The following GNB4 variants were observed in gnomAD, a reference collection of about 807,000 sequenced individuals.
The protein encoded by GNB4 is G protein subunit beta 4.
In GNB4, 28 loss-of-function variants were observed where a neutral mutation model predicts 45.2. The ratio of observed to expected loss-of-function variants is 0.62; its 90% confidence interval spans 0.46 to 0.85. GNB4 has a LOEUF of 0.85. GNB4 is among the 40% of genes least tolerant of loss of function. GNB4 has a pLI of 0.00. For synonymous variants in GNB4, 132 were observed against 143.7 expected (o/e 0.92, Z 0.58); for missense variants, 321 against 425.4 (o/e 0.75, Z 2.16).
chr3:179,474,804 T>G, the GNB4 span, among the ~76,000 whole-genome samples: 1 of 132,956 alleles, frequency 7.5e-6, no homozygotes, highest in Non-Finnish European at 1.5e-5. Context: ...CCCACTGGAG[T>G]GCAGTGATGT....
upstream of GNB4, chr3:179,451,542 G>GCGAGGCGCGAGGCA (rs1171901084): frequency 4.0e-5 from 6 of 150,218 alleles, no homozygotes; most frequent in South Asian, 4.2e-4. Flanking sequence ...GGCTGGAGGC[G>GCGAGGCGCGAGGCA]CGAGGCGCGA....
In GNB4 at chr3:179,419,263, T is replaced by C. The variant is rs145412858; in HGVS notation, c.203+136A>G. ...ATTAATATTCTTATTGAAAGCAGCA[T>C]GTTCATCTGAGATGCATTTTCTGCA... On this transcript the variant is annotated intron_variant, in intron 4 of 9. Transcript: ENST00000232564. The C allele has an allele frequency of 3.4e-5, 23 of 671,764 alleles. No individual in the cohort carries two copies. The African/African-American group carries it at 3.8e-4, about 11-fold the overall frequency. 41.6% of individuals were successfully genotyped at this position (671,764 alleles called of 1,614,324 possible).
chr3:179,402,106 T>C (rs1477430154), intron 9 of GNB4, among the ~76,000 whole-genome samples: 4 of 152,212 alleles, frequency 2.6e-5, no homozygotes, highest in Admixed American at 2.6e-4. Flanking sequence ...ATATTCTCTA[T>C]AGTATCTCCA....
the GNB4 span, among the ~76,000 whole-genome samples, chr3:179,524,252 T>C: frequency 9.9e-5 from 15 of 152,224 alleles, no homozygotes; most frequent in Admixed American, 2.0e-4. Flanking sequence ...GGGCCAGGGT[T>C]CCAGGGGCTC....
the GNB4 span, among the ~76,000 whole-genome samples, chr3:179,513,428 C>G: frequency 6.6e-6 from 1 of 152,178 alleles, no homozygotes; most frequent in Admixed American, 6.6e-5. Context: ...AAGTGATCCT[C>G]TTGCCTTGGC....
the GNB4 span, among the ~76,000 whole-genome samples, chr3:179,501,298 A>C: frequency 1.5e-5 from 2 of 131,216 alleles, no homozygotes; most frequent in Admixed American, 7.7e-5. Context: ...AATTGCCTAC[A>C]TTTTTTTTTT....
intron 1 of GNB4, 54 bp downstream of exon 1, chr3:179,451,292 G>A (rs1359153049): frequency 6.6e-6 from 1 of 151,472 alleles, no homozygotes; most frequent in African/African-American, 2.4e-5. Flanking sequence ...GAGAAGCCCG[G>A]GATCGCTTCG....
At position 179,451,426 on chromosome 3, in the gene GNB4, G is replaced by C. The variant is rs1715871323; in HGVS notation, c.-123C>G. 6.6e-6 allele frequency: 1 copy of C among 151,198 alleles called. No homozygotes were observed. Among genetic ancestry groups the C allele is most frequent in the Admixed American group, 6.6e-5 (1 of 15,164 alleles). The allele number at this position is 151,198 out of a possible 1,614,324, so 9.4% of individuals were successfully genotyped here. ...CAGCAGCCCCTGGAGCGCGGAGCCG[G>C]CGTGGAGAGCGCAGCTCACAGCCGA... is the stretch of plus-strand genomic sequence containing the variant. On this transcript the variant is annotated 5_prime_UTR_variant, in exon 1 of 10. Transcript: ENST00000232564.
At chr3:179,488,984 CAAAAAAAAAAAAAAAAAAAA>C in the GNB4 span, among the ~76,000 whole-genome samples, 27 of 18,686 alleles carry the variant, frequency 1.4e-3, no homozygotes, top group African/African-American at 3.6e-3. Context: ...ATCCTGTATC[CAAAAAAAAAAAAAAAAAAAA>C]AAAAAAAAAA....
At chr3:179,465,448 CA>C in the GNB4 span, 12,232 of 295,496 alleles carry the variant, frequency 0.041, no homozygotes, top group South Asian at 0.078. Flanking sequence ...ACTAAAAATA[CA>C]AAAAAAAAAA....
At chr3:179,483,466 A>G in the GNB4 span, among the ~76,000 whole-genome samples, 1 of 152,274 alleles carries the variant, frequency 6.6e-6, no homozygotes, top group Admixed American at 6.5e-5. Context: ...ACTGTGTAAT[A>G]TAGTTATTAT....
the GNB4 span, among the ~76,000 whole-genome samples, chr3:179,468,044 A>ATATATG: frequency 1.8e-4 from 18 of 99,036 alleles, 1 homozygote; most frequent in South Asian, 1.6e-3. Flanking sequence ...AAATATATAT[A>ATATATG]TATATAGAAC....
chr3:179,512,325 A>G, the GNB4 span, among the ~76,000 whole-genome samples: 1 of 152,270 alleles, frequency 6.6e-6, no homozygotes, highest in Non-Finnish European at 1.5e-5. Flanking sequence ...ACAACAGTCT[A>G]TAGATAAACA....
the GNB4 span, among the ~76,000 whole-genome samples, chr3:179,476,283 T>C: frequency 2.0e-4 from 31 of 152,356 alleles, no homozygotes; most frequent in African/African-American, 7.5e-4. Flanking sequence ...CATTAAGTCT[T>C]AAAGCTGGAG....
chr3:179,514,131 G>A, the GNB4 span, among the ~76,000 whole-genome samples: 1 of 152,218 alleles, frequency 6.6e-6, no homozygotes, highest in Admixed American at 6.5e-5. Context: ...AAAATGAAAT[G>A]TGCTGAAAGG....
At chr3:179,521,841 C>T in the GNB4 span, among the ~76,000 whole-genome samples, 2 of 152,088 alleles carry the variant, frequency 1.3e-5, no homozygotes, top group East Asian at 1.9e-4. Context: ...AGGCCATCAC[C>T]AATCATTCTA....
At position 179,417,409 on chromosome 3, in the gene GNB4, A is replaced by ATT. The variant is rs35958397; in HGVS notation, c.204-855_204-854dup. ...CCACTAAATTTTTTGTTTTGTTTGGATTTTTTTTTTTTTTTTGAGACAGAC... is the reference window on the plus strand; with the variant it reads ...CCACTAAATTTTTTGTTTTGTTTGGATTTTTTTTTTTTTTTTTTGAGACAGAC... On this transcript the variant is annotated intron_variant, in intron 4 of 9. Coordinates refer to ENST00000232564, the MANE Select transcript of GNB4 (RefSeq NM_021629.4). Among the ~76,000 whole-genome samples, 448 of 143,372 alleles carry ATT rather than the reference A, an allele frequency of 3.1e-3. 6 individuals carry two copies. Among genetic ancestry groups the ATT allele is most frequent in the African/African-American group, 0.011 (425 of 39,168 alleles). The allele number at this position is 143,372 out of a possible 152,430, so 94.1% of individuals were successfully genotyped here.
intron 1 of GNB4, among the ~76,000 whole-genome samples, chr3:179,445,639 T>C (rs192305079): frequency 4.4e-4 from 67 of 152,346 alleles, no homozygotes; most frequent in Admixed American, 3.0e-3. Context: ...CATTAACCAA[T>C]TGTATATATG....
the GNB4 span, among the ~76,000 whole-genome samples, chr3:179,521,749 T>C: frequency 2.0e-5 from 3 of 152,042 alleles, no homozygotes; most frequent in African/African-American, 7.2e-5. Flanking sequence ...ATGCCCTGAG[T>C]CCTCTCAATT....
Sources: allele counts gnomAD v4.1 joint callset (sites outside exome capture counted in the v4.1 genomes callset), GRCh38; gene constraint gnomAD v4.1.1; transcripts MANE v1.5; gene names NCBI Gene and HGNC (gene_info 2026-07-23, HGNC 2026-07-21).